The following ALDH3B1 variants were observed in gnomAD, a reference collection of about 807,000 sequenced individuals.
The protein encoded by ALDH3B1 is aldehyde dehydrogenase family 3 member B1.
A neutral mutation model predicts 46.2 loss-of-function variants in ALDH3B1; 37 were observed. The observed-to-expected ratio is 0.80, with a 90% CI of 0.62 to 1.05. The LOEUF is 1.05. ALDH3B1 is among the 50% of genes least tolerant of loss of function. The pLI is 0.00. For missense variants in ALDH3B1, 603 were observed against 665.5 expected (o/e 0.91, Z 1.03); for synonymous variants, 283 against 281.0 (o/e 1.01, Z -0.07).
At position 68,022,654 on chromosome 11, in the gene ALDH3B1, G is replaced by A. The variant is rs755321120; in HGVS notation, c.1009G>A (p.Gly337Arg). Residue 337 changes from glycine (G) to arginine (R), a missense_variant, in exon 8 of 10, where the codon GGG becomes AGG. Gly to Arg is a moderately radical substitution (Grantham distance 125). Coordinates refer to ENST00000342456, the MANE Select transcript of ALDH3B1 (RefSeq NM_000694.4). ...MEPVMQEEIF[G>R]PILPIVNVQS... Reference sequence around the variant, plus strand: ...GCCTGTGATGCAGGAGGAGATCTTCGGGCCCATCCTGCCCATCGTGAACGT... The same window carrying A: ...GCCTGTGATGCAGGAGGAGATCTTCAGGCCCATCCTGCCCATCGTGAACGT... The A allele has an allele frequency of 6.6e-5, 106 of 1,613,980 alleles. No homozygotes were observed. The highest frequency in any genetic ancestry group is 9.3e-5 in the African/African-American group (7 of 74,918).
chr11:68,009,912 G>T (rs958446552), upstream of ALDH3B1, among the ~76,000 whole-genome samples: 2 of 152,054 alleles, frequency 1.3e-5, no homozygotes, highest in South Asian at 2.1e-4. Context: ...GGAGTGGGGG[G>T]TCGAGACTTC....
intron 2 of ALDH3B1, chr11:68,017,614 C>T: frequency 6.6e-6 from 1 of 152,428 alleles, no homozygotes; most frequent in Non-Finnish European, 1.5e-5. Context: ...GGAGCACTGG[C>T]TAGCCGAGAG....
chr11:68,019,470 T>C (rs542164812), intron 5 of ALDH3B1, among the ~76,000 whole-genome samples: 1 of 152,344 alleles, frequency 6.6e-6, no homozygotes, highest in South Asian at 2.1e-4. Flanking sequence ...GTTCCGTGTC[T>C]GCCTCCACCT....
upstream of ALDH3B1, among the ~76,000 whole-genome samples, chr11:68,009,479 G>A (rs1018126878): frequency 6.6e-6 from 1 of 152,248 alleles, no homozygotes; most frequent in African/African-American, 2.4e-5. Context: ...AGCATCAGCA[G>A]ACTTGCGTCA....
At chr11:68,021,929 G>C (rs1231497636) in intron 7 of ALDH3B1, 58 bp downstream of exon 7, 3 of 1,528,710 alleles carry the variant, frequency 2.0e-6, no homozygotes, top group African/African-American at 2.8e-5. Context: ...CTCACTGGAG[G>C]GCCCAAGGCT....
intron 9 of ALDH3B1, 129 bp downstream of exon 9, chr11:68,026,237 C>A: frequency 4.1e-6 from 3 of 733,900 alleles, no homozygotes; most frequent in Non-Finnish European, 4.2e-6. Context: ...GGCCTCACCC[C>A]AGAACCCGCA....
chr11:68,022,527 C>T, intron 7 of ALDH3B1, 68 bp from the exon 8 acceptor site: 1 of 1,454,744 alleles, frequency 6.9e-7, no homozygotes. Flanking sequence ...CCTGTCCCCA[C>T]CTCTACCCCC....
chr11:68,028,327 T>G lies in ALDH3B1; in HGVS notation c.*388T>G. On this transcript the variant is annotated 3_prime_UTR_variant, in exon 10 of 10. Coordinates refer to ENST00000342456, the MANE Select transcript of ALDH3B1 (RefSeq NM_000694.4). ...CATGGAATCACTGCATCCAAGGCCATTCCTGCCCTCTCTGAGTCTCAGTTT... is the reference window on the plus strand; with the variant it reads ...CATGGAATCACTGCATCCAAGGCCAGTCCTGCCCTCTCTGAGTCTCAGTTT... The G allele has an allele frequency of 2.6e-6, 1 of 380,812 alleles. No individual in the cohort carries two copies. Among genetic ancestry groups the G allele is most frequent in the Admixed American group, 3.6e-5 (1 of 27,778 alleles). 23.6% of individuals were successfully genotyped at this position (380,812 alleles called of 1,614,324 possible). A position where few individuals can be genotyped will look rare whatever the true frequency, so the allele number is the denominator to read the frequency against.
chr11:68,018,840 G>T lies in ALDH3B1; in HGVS notation c.341G>T (p.Trp114Leu). The part of the protein sequence containing the change: ...PFGLVLIIAP[W>L]NYPLNLTLVP... ...GGCCTGGTCCTCATCATTGCGCCCT[G>T]GAACTATCCGCTGAACCTGACGCTG... Residue 114 changes from tryptophan to leucine, a missense_variant, in exon 4 of 10, where the codon TGG becomes TTG. Transcript: ENST00000342456. The T allele has an allele frequency of 6.4e-7, 1 of 1,565,200 alleles. No homozygotes were observed.
upstream of ALDH3B1, among the ~76,000 whole-genome samples, chr11:68,009,327 T>A (rs937013324): frequency 3.9e-5 from 6 of 152,300 alleles, no homozygotes; most frequent in Admixed American, 3.3e-4. Context: ...AGATGGTATT[T>A]CTAGACTCCA....
intron 1 of ALDH3B1, among the ~76,000 whole-genome samples, chr11:68,012,941 T>C (rs1435387492): frequency 6.6e-6 from 1 of 152,112 alleles, no homozygotes; most frequent in African/African-American, 2.4e-5. Context: ...GGTCCCTCAG[T>C]GGGCGGCCGT....
chr11:68,020,202 T>C (rs1857456980), intron 6 of ALDH3B1, among the ~76,000 whole-genome samples: 1 of 152,162 alleles, frequency 6.6e-6, no homozygotes, highest in Admixed American at 6.5e-5. Flanking sequence ...ACACAAGCCC[T>C]TGGAGAAATC....
intron 8 of ALDH3B1, chr11:68,024,918 C>T (rs933458068): frequency 6.6e-6 from 1 of 152,140 alleles, no homozygotes; most frequent in Admixed American, 6.5e-5. Context: ...GATGTCCCAG[C>T]CTCTTGGGTT....
upstream of ALDH3B1, among the ~76,000 whole-genome samples, chr11:68,009,796 G>A (rs1010424662): frequency 1.3e-5 from 2 of 151,840 alleles, no homozygotes; most frequent in African/African-American, 2.4e-5. Flanking sequence ...CTAACTTTTT[G>A]CCTTCTCTCT....
At chr11:68,019,392 C>A in intron 5 of ALDH3B1, 137 bp downstream of exon 5, 1 of 790,994 alleles carries the variant, frequency 1.3e-6, no homozygotes. Context: ...GTAAACTTGA[C>A]CAAGTCACCG....
Position 68,021,536 on chromosome 11 carries a change from C to T in ALDH3B1, c.614C>T (p.Thr205Ile). 1 of 1,614,038 alleles carries T rather than the reference C, an allele frequency of 6.2e-7. No homozygotes were observed. Among genetic ancestry groups the T allele is most frequent in the Non-Finnish European group, 8.5e-7 (1 of 1,179,974 alleles). ...ATGACTGCTGCCGCCAAGCACCTGACACCTGTCACCCTGGAGCTGGGGGGC... is the reference window on the plus strand; with the variant it reads ...ATGACTGCTGCCGCCAAGCACCTGATACCTGTCACCCTGGAGCTGGGGGGC... ...IVMTAAAKHL[T>I]PVTLELGGKN... Residue 205 changes from threonine (T) to isoleucine (I), a missense_variant, in exon 7 of 10, where the codon ACA becomes ATA. Physicochemically the swap from Thr to Ile is moderately conservative, Grantham distance 89. Coordinates refer to ENST00000342456, the MANE Select transcript of ALDH3B1 (RefSeq NM_000694.4).
Position 68,015,163 on chromosome 11 carries a change from G to A in ALDH3B1, c.-1-134G>A, listed in dbSNP as rs1238550742. The A allele has an allele frequency of 3.1e-6, 3 of 966,538 alleles. No homozygotes were observed. In the East Asian group the frequency reaches 8.1e-5, roughly 26 times the overall value. 59.9% of individuals were successfully genotyped at this position (966,538 alleles called of 1,614,324 possible). On this transcript the variant is annotated intron_variant, in intron 1 of 9. Coordinates refer to ENST00000342456, the MANE Select transcript of ALDH3B1 (RefSeq NM_000694.4). ...GTCATCTGAGTGGGTCCCTGTGTGT[G>A]TATAAGGTAGAGGTGTCTGCAAGCC...
intron 8 of ALDH3B1, among the ~76,000 whole-genome samples, chr11:68,025,570 T>C (rs1163935656): frequency 6.6e-6 from 1 of 152,148 alleles, no homozygotes; most frequent in Admixed American, 6.5e-5. Context: ...CTCTTCAGCC[T>C]CCACTCTGTC....
intron 1 of ALDH3B1, among the ~76,000 whole-genome samples, chr11:68,013,442 C>G (rs972544017): frequency 2.6e-5 from 4 of 152,166 alleles, no homozygotes; most frequent in African/African-American, 9.7e-5. Flanking sequence ...GAGGCACAGG[C>G]GTGGTTTGCC....
Sources: allele counts gnomAD v4.1 joint callset (sites outside exome capture counted in the v4.1 genomes callset), GRCh38; gene constraint gnomAD v4.1.1; transcripts MANE v1.5; gene names NCBI Gene and HGNC (gene_info 2026-07-23, HGNC 2026-07-21).